The following UBE2D4 variants were observed in gnomAD, a reference collection of about 807,000 sequenced individuals.
The protein encoded by UBE2D4 is ubiquitin conjugating enzyme E2 D4.
Under a neutral mutation model 23.0 loss-of-function variants are expected in UBE2D4, and 17 were observed. The observed-to-expected ratio is 0.74, with a 90% confidence interval of 0.51 to 1.11. The LOEUF is 1.11. UBE2D4 is among the 50% of genes least tolerant of loss of function. The pLI, the probability that UBE2D4 is intolerant of heterozygous loss-of-function variation, is 0.00. For synonymous variants in UBE2D4, 61 were observed against 69.4 expected (o/e 0.88, Z 0.60); for missense variants, 139 against 181.8 (o/e 0.76, Z 1.35).
At chr7:43,935,541 G>C (rs2095956564) in intron 1 of UBE2D4, among the ~76,000 whole-genome samples, 1 of 151,904 alleles carries the variant, frequency 6.6e-6, no homozygotes, top group African/African-American at 2.4e-5. Flanking sequence ...GCAATATAAA[G>C]GGCCCCAGAG....
intron 1 of UBE2D4, among the ~76,000 whole-genome samples, chr7:43,930,453 T>G (rs1275648548): frequency 2.6e-5 from 4 of 152,144 alleles, no homozygotes; most frequent in Admixed American, 2.0e-4. Context: ...TTTAGTTAGT[T>G]AGTTAGTTAG....
intron 1 of UBE2D4, among the ~76,000 whole-genome samples, chr7:43,932,988 A>G (rs1301411262): frequency 1.5e-5 from 1 of 68,556 alleles, no homozygotes; most frequent in African/African-American, 6.5e-5. Context: ...GTTAAAGTAT[A>G]TATATATATA....
chr7:43,934,708 A>G (rs149042518), intron 1 of UBE2D4, among the ~76,000 whole-genome samples: 2 of 151,828 alleles, frequency 1.3e-5, no homozygotes, highest in East Asian at 1.9e-4. Flanking sequence ...ACACATTCAC[A>G]CACATGCATA....
intron 1 of UBE2D4, among the ~76,000 whole-genome samples, chr7:43,927,521 T>C (rs1413722420): frequency 6.6e-6 from 1 of 152,150 alleles, no homozygotes; most frequent in African/African-American, 2.4e-5. Context: ...CCCAGGCTGG[T>C]CTCATACTCC....
chr7:43,948,499 C>A, intron 4 of UBE2D4, 133 bp from the exon 5 acceptor site: 1 of 627,922 alleles, frequency 1.6e-6, no homozygotes, highest in Non-Finnish European at 2.9e-6. Flanking sequence ...GGGGGTCTGG[C>A]TTAGCCTGCA....
intron 1 of UBE2D4, among the ~76,000 whole-genome samples, chr7:43,934,750 C>T (rs1339970840): frequency 6.6e-6 from 1 of 151,758 alleles, no homozygotes; most frequent in Non-Finnish European, 1.5e-5. Context: ...TATTTTTTCT[C>T]ATCACATGGG....
In UBE2D4 at chr7:43,954,601, C is replaced by T. The variant is rs1436528633; in HGVS notation, c.*1906C>T. ...TGTTTTAATTCTTGTATCTTCGTTG[C>T]TTCTTTGGTCTTTGCTTAAACAAAA... On this transcript the variant is annotated 3_prime_UTR_variant, in exon 7 of 7. Coordinates refer to ENST00000222402, the MANE Select transcript of UBE2D4 (RefSeq NM_015983.4). The T allele has an allele frequency of 6.6e-6, 1 of 152,172 alleles. No individual in the cohort carries two copies. The highest frequency in any genetic ancestry group is 1.5e-5 in the Non-Finnish European group (1 of 68,042). The allele number at this position is 152,172 out of a possible 1,614,324, so 9.4% of individuals were successfully genotyped here.
rs1388520091 is a variant in UBE2D4, at chr7:43,954,255, G to C, written c.*1560G>C. 2 of 121,840 alleles carry C rather than the reference G, an allele frequency of 1.6e-5. No individual in the cohort carries two copies. The highest frequency in any genetic ancestry group is 3.3e-5 in the Non-Finnish European group (2 of 60,490). 7.5% of individuals were successfully genotyped at this position (121,840 alleles called of 1,614,324 possible). On this transcript the variant is annotated 3_prime_UTR_variant, in exon 7 of 7. Transcript: ENST00000222402. ...GCTGCATCTCACCATGTTGAGGATTGCCTTTTTTTTTTTTTTTTTTTTTTT... is the reference window on the plus strand; with the variant it reads ...GCTGCATCTCACCATGTTGAGGATTCCCTTTTTTTTTTTTTTTTTTTTTTT...
chr7:43,943,248 G>A, intron 4 of UBE2D4: 1 of 604,254 alleles, frequency 1.7e-6, no homozygotes. Flanking sequence ...GCTGGTGCTG[G>A]CCTTACTGAG....
In UBE2D4 at chr7:43,942,727, T is replaced by C. The variant is rs557515257; in HGVS notation, c.89-99T>C. The stretch of plus-strand genomic sequence containing the variant: ...AGTTGGTGTCAGAAGTGAGTGCATC[T>C]TGTGTAGACAGTGCGCTGTAATTTA... On this transcript the variant is annotated intron_variant, in intron 2 of 6. Coordinates refer to ENST00000222402, the MANE Select transcript of UBE2D4 (RefSeq NM_015983.4). The C allele has an allele frequency of 3.4e-5, 53 of 1,548,414 alleles. No homozygotes were observed. The South Asian group carries it at 5.9e-4, about 17-fold the overall frequency.
chr7:43,950,690 GA>G lies in UBE2D4; in HGVS notation c.398del (p.Lys133SerfsTer5). 6.2e-7 allele frequency: 1 copy of G among 1,613,878 alleles called. No individual in the cohort carries two copies. Among genetic ancestry groups the G allele is most frequent in the South Asian group, 1.1e-5 (1 of 91,076 alleles). Reference protein sequence around the residue: ...IAHTYKADREKYNRLAREWTQ... With the variant: ...IAHTYKADREXYNRLAREWTQ... ...CACACACCTACAAGGCCGACAGAGA[GA>G]AGTACGTGTCCTCTTTGGGTTGCCT... is the stretch of plus-strand genomic sequence containing the variant. On this transcript the variant is annotated frameshift_variant and splice_region_variant, in exon 6 of 7. Coordinates refer to ENST00000222402, the MANE Select transcript of UBE2D4 (RefSeq NM_015983.4). LOFTEE classifies it high-confidence loss of function.
In UBE2D4 at chr7:43,954,688, A is replaced by C. The variant is rs981018860; in HGVS notation, c.*1993A>C. ...AGTGTCCTCTAGGAAGGCTGTTAGC[A>C]TATGGCTCTACTGAGCAGCAGTGCC... On this transcript the variant is annotated 3_prime_UTR_variant, in exon 7 of 7. Coordinates refer to ENST00000222402, the MANE Select transcript of UBE2D4 (RefSeq NM_015983.4). 2.0e-5 allele frequency: 3 copies of C among 152,250 alleles called. No individual in the cohort carries two copies. The South Asian group carries it at 6.2e-4, about 32-fold the overall frequency. The allele number at this position is 152,250 out of a possible 1,614,324, so 9.4% of individuals were successfully genotyped here. A position where few individuals can be genotyped will look rare whatever the true frequency, so the allele number is the denominator to read the frequency against.
intron 4 of UBE2D4, 72 bp from the exon 5 acceptor site, chr7:43,948,560 C>T: frequency 9.8e-7 from 1 of 1,017,208 alleles, no homozygotes; most frequent in South Asian, 1.4e-5. Flanking sequence ...GCAGCAGCTG[C>T]TTCTGCTTTA....
At position 43,950,628 on chromosome 7, in the gene UBE2D4, G is replaced by A. The variant is rs777176717; in HGVS notation, c.334G>A (p.Asp112Asn). 8 of 1,614,114 alleles carry A rather than the reference G, an allele frequency of 5.0e-6. No individual in the cohort carries two copies. In the Admixed American group the frequency reaches 5.0e-5, roughly 10 times the overall value. Residue 112 changes from aspartate to asparagine, a missense_variant, in exon 6 of 7, where the codon GAC becomes AAC. Transcript: ENST00000222402. ...VLLSICSLLCDPNPDDPLVPE... is the reference protein window; with the variant it reads ...VLLSICSLLCNPNPDDPLVPE... ...CTTGTCCATCTGCTCGCTGCTCTGCGACCCCAACCCCGATGACCCCCTGGT... is the reference window on the plus strand; with the variant it reads ...CTTGTCCATCTGCTCGCTGCTCTGCAACCCCAACCCCGATGACCCCCTGGT...
rs2096007047 is a variant in UBE2D4 at position 43,953,264 on chromosome 7, T to C, written c.*569T>C. ...AGCCCTGTGGCTTCCACCAGTCTCC[T>C]CCTGCAGTGCCACGTGGTGGCATTT... On this transcript the variant is annotated 3_prime_UTR_variant, in exon 7 of 7. Transcript: ENST00000222402. The C allele has an allele frequency of 4.4e-6, 2 of 452,642 alleles. No individual in the cohort carries two copies. The highest frequency in any genetic ancestry group is 8.9e-6 in the Non-Finnish European group (2 of 225,376). 28.0% of individuals were successfully genotyped at this position (452,642 alleles called of 1,614,324 possible). A position where few individuals can be genotyped will look rare whatever the true frequency, so the allele number is the denominator to read the frequency against.
At chr7:43,948,948 G>C in intron 5 of UBE2D4, 1 of 552,166 alleles carries the variant, frequency 1.8e-6, no homozygotes, top group East Asian at 2.9e-5. Flanking sequence ...CTTCTCAGCA[G>C]TCAATTGCCC....
chr7:43,936,705 A>G (rs1222519426), intron 1 of UBE2D4, among the ~76,000 whole-genome samples: 2 of 152,068 alleles, frequency 1.3e-5, no homozygotes, highest in African/African-American at 2.4e-5. Context: ...CTATACCACT[A>G]TTATCTTGAT....
intron 1 of UBE2D4, among the ~76,000 whole-genome samples, chr7:43,927,527 A>G (rs1300926109): frequency 6.6e-6 from 1 of 151,942 alleles, no homozygotes; most frequent in African/African-American, 2.4e-5. Context: ...CTGGTCTCAT[A>G]CTCCTGGGCT....
chr7:43,930,321 G>A (rs1205034277), intron 1 of UBE2D4, among the ~76,000 whole-genome samples: 1 of 152,184 alleles, frequency 6.6e-6, no homozygotes, highest in African/African-American at 2.4e-5. Context: ...CCTGAGCCAG[G>A]TGTGTGGTGT....
Sources: gnomAD v4.1 joint callset for allele counts (sites outside exome capture counted in the v4.1 genomes callset) on GRCh38, gnomAD v4.1.1 for gene constraint, MANE v1.5 for transcripts, NCBI Gene and HGNC (gene_info 2026-07-23, HGNC 2026-07-21) for gene names.